The following ATXN7L1 variants were observed in gnomAD, a reference collection of about 807,000 sequenced individuals.
ATXN7L1 encodes ataxin-7-like protein 1.
In ATXN7L1, 15 loss-of-function variants were observed where a neutral mutation model predicts 70.8. The observed-to-expected ratio is 0.21, with a 90% confidence interval of 0.14 to 0.33. The LOEUF (loss-of-function observed/expected upper bound fraction) is 0.33, where lower values mean the gene tolerates loss of function less well. ATXN7L1 is among the 10% of genes least tolerant of loss of function. The pLI, the probability that ATXN7L1 is intolerant of heterozygous loss-of-function variation, is 1.00. For missense variants in ATXN7L1, 975 were observed against 1,097.1 expected, an observed-to-expected ratio of 0.89 and a Z score of 1.57; for synonymous variants, 440 against 445.1, an observed-to-expected ratio of 0.99 and a Z score of 0.14.
At chr7:105,839,830 G>C (rs1430456332) in intron 2 of ATXN7L1, among the ~76,000 whole-genome samples, 11 of 152,200 alleles carry the variant, frequency 7.2e-5, no homozygotes. Flanking sequence ...AAGGCACCCA[G>C]AGTCCACCAG....
In ATXN7L1 at chr7:105,614,110, A is replaced by C. The variant is rs1383511417; in HGVS notation, c.2224T>G (p.Ser742Ala). 9.0e-6 allele frequency: 14 copies of C among 1,551,514 alleles called. No homozygotes were observed. Among genetic ancestry groups the C allele is most frequent in the Middle Eastern group, 1.7e-4 (1 of 5,992 alleles). Residue 742 changes from serine to alanine, a missense_variant, in exon 10 of 12, where the codon TCC (serine) becomes GCC (alanine). By Grantham distance (99) the Ser-to-Ala change is moderately conservative (BLOSUM62 1). Coordinates refer to ENST00000419735, the MANE Select transcript of ATXN7L1 (RefSeq NM_020725.2). The surrounding 1 kb of genome is among the most constrained non-coding windows in gnomAD (Gnocchi z 4.3). ...AGGGAGGGCACAGAGAGGGGACAGG[A>C]GTCACTGCTGCCTCCCACCGCGCCC... ...QVGAVGGSSD[S>A]CPLSVPSLAL...
chr7:105,832,697 T>C (rs1019628891), intron 2 of ATXN7L1, among the ~76,000 whole-genome samples: 2 of 152,212 alleles, frequency 1.3e-5, no homozygotes, highest in African/African-American at 4.8e-5. Flanking sequence ...GTTTCCACTT[T>C]GCATTCAACA....
At chr7:105,819,464 A>ATT in intron 2 of ATXN7L1, 1 of 643,098 alleles carries the variant, frequency 1.6e-6, no homozygotes, top group Non-Finnish European at 2.8e-6. Context: ...AAAAAAAAAG[A>ATT]GTGTCCTTTC....
At chr7:105,785,061 A>G (rs1804094331) in intron 3 of ATXN7L1, among the ~76,000 whole-genome samples, 5 of 152,246 alleles carry the variant, frequency 3.3e-5, no homozygotes. Context: ...GCCTGTGCCC[A>G]AAATCAGACC....
intron 2 of ATXN7L1, among the ~76,000 whole-genome samples, chr7:105,837,451 GAAA>G (rs36089046): frequency 7.2e-6 from 1 of 138,266 alleles, no homozygotes. Context: ...GTTAAAATGT[GAAA>G]AAAAAAAAAA....
At chr7:105,750,956 G>A (rs115896673) in intron 3 of ATXN7L1, among the ~76,000 whole-genome samples, 29 of 152,206 alleles carry the variant, frequency 1.9e-4, no homozygotes, top group African/African-American at 5.1e-4. Flanking sequence ...ACCCACTTTC[G>A]TTGCTTCAAG....
intron 3 of ATXN7L1, among the ~76,000 whole-genome samples, chr7:105,745,580 C>T (rs540469152): frequency 1.3e-5 from 2 of 152,194 alleles, no homozygotes; most frequent in Admixed American, 1.3e-4. Context: ...CCCAGCTGAC[C>T]AGTTCCCGAG....
At chr7:105,700,593 TGAG>T (rs1329685522) in intron 3 of ATXN7L1, among the ~76,000 whole-genome samples, 4 of 151,744 alleles carry the variant, frequency 2.6e-5, no homozygotes, top group South Asian at 2.1e-4. Flanking sequence ...CCCCTGTGTA[TGAG>T]GAGGTTATTC....
intron 4 of ATXN7L1, among the ~76,000 whole-genome samples, chr7:105,657,420 G>T (rs1800831942): frequency 6.6e-6 from 1 of 152,092 alleles, no homozygotes. Flanking sequence ...TTAAAATGTG[G>T]CTACTGTGGG....
At chr7:105,762,982 G>C (rs1800744253) in intron 3 of ATXN7L1, among the ~76,000 whole-genome samples, 1 of 152,150 alleles carries the variant, frequency 6.6e-6, no homozygotes, top group South Asian at 2.1e-4. Context: ...TCTTAGGAGT[G>C]GGTCCTCCAA....
chr7:105,810,476 A>G (rs1405769142), intron 2 of ATXN7L1, among the ~76,000 whole-genome samples: 4 of 152,176 alleles, frequency 2.6e-5, no homozygotes, highest in South Asian at 2.1e-4. Flanking sequence ...CAAACAAAAC[A>G]CTGGTGCTGG....
chr7:105,609,754 C>T (rs1332295289), intron 11 of ATXN7L1, among the ~76,000 whole-genome samples: 2 of 151,956 alleles, frequency 1.3e-5, no homozygotes, highest in Non-Finnish European at 2.9e-5. Context: ...GGCATCATGC[C>T]TGGCTGGCAA....
intron 2 of ATXN7L1, among the ~76,000 whole-genome samples, chr7:105,798,114 G>A (rs548965435): frequency 1.6e-4 from 25 of 152,284 alleles, no homozygotes; most frequent in African/African-American, 5.8e-4. Context: ...CACTCTTTGA[G>A]CTCCTTGGAA....
intron 2 of ATXN7L1, among the ~76,000 whole-genome samples, chr7:105,825,419 G>A (rs1225651358): frequency 6.6e-6 from 1 of 151,886 alleles, no homozygotes; most frequent in Non-Finnish European, 1.5e-5. Context: ...GGTTTATTCA[G>A]TATGTCTGAC....
chr7:105,808,703 C>A (rs778391801), intron 2 of ATXN7L1, among the ~76,000 whole-genome samples: 8 of 152,224 alleles, frequency 5.3e-5, no homozygotes, highest in Non-Finnish European at 1.2e-4. Flanking sequence ...TTAATTGGGA[C>A]AGGAGCTTCT....
At chr7:105,731,071 A>G (rs1205138844) in intron 3 of ATXN7L1, among the ~76,000 whole-genome samples, 4 of 152,210 alleles carry the variant, frequency 2.6e-5, no homozygotes, top group Non-Finnish European at 5.9e-5. Flanking sequence ...AAAATTTCAC[A>G]CCTGACCTCA....
intron 4 of ATXN7L1, among the ~76,000 whole-genome samples, chr7:105,659,375 T>C (rs920289148): frequency 6.6e-6 from 1 of 151,994 alleles, no homozygotes; most frequent in Admixed American, 6.6e-5. Flanking sequence ...GCTTGTTGAG[T>C]TGGTGAGAGG....
Position 105,663,611 on chromosome 7 carries a change from G to A in ATXN7L1, c.578+1455C>T, listed in dbSNP as rs536982084. Among the ~76,000 whole-genome samples the A allele has an allele frequency of 5.9e-5, 9 of 152,300 alleles. No individual in the cohort carries two copies. In the South Asian group the frequency reaches 1.9e-3, roughly 32 times the overall value. On this transcript the variant is annotated intron_variant, in intron 4 of 11. Transcript: ENST00000419735. ...AGCATAGAGGTGCTGTCAGAAGCCAGTTCCTTAAGTACTCCAAGGTGGGTG... is the reference window on the plus strand; with the variant it reads ...AGCATAGAGGTGCTGTCAGAAGCCAATTCCTTAAGTACTCCAAGGTGGGTG...
At chr7:105,679,083 T>A in intron 3 of ATXN7L1, 2 of 985,964 alleles carry the variant, frequency 2.0e-6, no homozygotes, top group Non-Finnish European at 2.4e-6. Flanking sequence ...GCCGTTTGGA[T>A]AAGGAGGCTG....
Sources: allele counts gnomAD v4.1 joint callset (sites outside exome capture counted in the v4.1 genomes callset), GRCh38; gene constraint gnomAD v4.1.1; non-coding constraint Gnocchi (gnomAD v3.1); transcripts MANE v1.5; gene names NCBI Gene and HGNC (gene_info 2026-07-23, HGNC 2026-07-21).